The following ANO10 variants were observed in gnomAD, a reference collection of about 807,000 sequenced individuals.
ANO10 encodes anoctamin 10, also known as anoctamin-10.
A neutral mutation model predicts 74.7 loss-of-function variants in ANO10; 77 were observed. That is an observed-to-expected ratio of 1.03 (90% CI 0.86 to 1.25). ANO10 has a LOEUF of 1.25. Among genes scored for constraint, ANO10 ranks in the 50% most tolerant of loss-of-function variants. The pLI is 0.00. For missense variants in ANO10, 721 were observed against 778.1 expected, an observed-to-expected ratio of 0.93 and a Z score of 0.87; for synonymous variants, 279 against 284.9, an observed-to-expected ratio of 0.98 and a Z score of 0.21.
At chr3:43,572,877 T>C (rs1434648344) in intron 7 of ANO10, among the ~76,000 whole-genome samples, 2 of 152,118 alleles carry the variant, frequency 1.3e-5, no homozygotes, top group African/African-American at 4.8e-5. Flanking sequence ...GGTGCTAAGT[T>C]AGAGCAGAAG....
chr3:43,497,849 G>T (rs996257107), intron 11 of ANO10, among the ~76,000 whole-genome samples: 6 of 152,048 alleles, frequency 3.9e-5, no homozygotes, highest in Non-Finnish European at 7.4e-5. Flanking sequence ...CAATATTTTT[G>T]ATACTGTTTT....
intron 3 of ANO10, among the ~76,000 whole-genome samples, chr3:43,599,889 G>C (rs527968590): frequency 8.4e-4 from 126 of 150,878 alleles, no homozygotes; most frequent in African/African-American, 2.9e-3. Context: ...CTGGGCGACA[G>C]AGCGAGACTC....
intron 1 of ANO10, among the ~76,000 whole-genome samples, chr3:43,684,632 G>A (rs143588144): frequency 0.022 from 3,380 of 152,180 alleles, 61 homozygotes; most frequent in South Asian, 0.092. Flanking sequence ...ACATGCACAC[G>A]TATGTTTATT....
chr3:43,369,128 T>C (rs2091515404), intron 12 of ANO10, among the ~76,000 whole-genome samples: 2 of 152,246 alleles, frequency 1.3e-5, no homozygotes, highest in South Asian at 4.1e-4. Flanking sequence ...TTCCTGGGGC[T>C]GCTTCTGGGG....
chr3:43,628,747 C>T (rs1388882497), intron 1 of ANO10, among the ~76,000 whole-genome samples: 2 of 152,130 alleles, frequency 1.3e-5, no homozygotes, highest in Non-Finnish European at 2.9e-5. Flanking sequence ...ATGGTCAAGG[C>T]TGTAGGGGTG....
At chr3:43,499,761 T>G (rs566332296) in intron 11 of ANO10, among the ~76,000 whole-genome samples, 5 of 152,204 alleles carry the variant, frequency 3.3e-5, no homozygotes, top group Non-Finnish European at 5.9e-5. Context: ...GATAGATTTT[T>G]TTTTAATAAT....
At chr3:43,469,759 A>G (rs1303131336) in intron 11 of ANO10, among the ~76,000 whole-genome samples, 3 of 152,226 alleles carry the variant, frequency 2.0e-5, no homozygotes, top group Non-Finnish European at 2.9e-5. Flanking sequence ...AGAGTCTTTA[A>G]AAGTTTTTGT....
chr3:43,432,944 C>CTTTGTTTTTTTTTTTTTT (rs2093008548), intron 11 of ANO10, among the ~76,000 whole-genome samples: 1 of 55,276 alleles, frequency 1.8e-5, no homozygotes, highest in Non-Finnish European at 3.3e-5. Context: ...TTGCTTAATT[C>CTTTGTTTTTTTTTTTTTT]TTTTTTTTTT....
chr3:43,547,295 A>G (rs2079239382), intron 11 of ANO10, among the ~76,000 whole-genome samples: 1 of 152,232 alleles, frequency 6.6e-6, no homozygotes, highest in South Asian at 2.1e-4. Context: ...TTGGCTAACA[A>G]AAGTTATTAC....
chr3:43,585,714 T>C (rs968060281), intron 4 of ANO10, among the ~76,000 whole-genome samples: 2 of 152,222 alleles, frequency 1.3e-5, no homozygotes, highest in African/African-American at 4.8e-5. Flanking sequence ...CAATCAGGAC[T>C]GTGCCCCAGT....
chr3:43,572,415 T>C (rs1374570076), intron 7 of ANO10, among the ~76,000 whole-genome samples: 1 of 152,148 alleles, frequency 6.6e-6, no homozygotes, highest in Non-Finnish European at 1.5e-5. Flanking sequence ...TGGGTGGCAC[T>C]GGCAAGGGGG....
chr3:43,564,793 T>G (rs1252346828), intron 8 of ANO10, among the ~76,000 whole-genome samples: 4 of 152,168 alleles, frequency 2.6e-5, no homozygotes, highest in Admixed American at 1.3e-4. Flanking sequence ...TTTTCTCAGA[T>G]AGATATGAAT....
intron 11 of ANO10, 52 bp downstream of exon 11, chr3:43,549,668 T>C (rs1393276775): frequency 1.2e-6 from 2 of 1,603,738 alleles, no homozygotes; most frequent in South Asian, 1.1e-5. Flanking sequence ...TGCTTTGGAA[T>C]AGAGAAACGT....
chr3:43,465,268 T>C (rs2149037842), intron 11 of ANO10, among the ~76,000 whole-genome samples: 1 of 152,312 alleles, frequency 6.6e-6, no homozygotes, highest in South Asian at 2.1e-4. Context: ...GATTTTGTCA[T>C]AGTGTAAACA....
At chr3:43,554,580 T>A (rs1049520084) in intron 10 of ANO10, among the ~76,000 whole-genome samples, 3 of 152,174 alleles carry the variant, frequency 2.0e-5, no homozygotes, top group African/African-American at 7.2e-5. Context: ...TTAGTTGATT[T>A]CTCTGACACC....
Position 43,377,499 on chromosome 3 carries a change from C to T in ANO10, c.1915-10525G>A, listed in dbSNP as rs116355435. On this transcript the variant is annotated intron_variant, in intron 12 of 12. Coordinates refer to ENST00000292246, the MANE Select transcript of ANO10 (RefSeq NM_018075.5). ...TGGAAGCCCTTGGAGCCAAGGAGGG[C>T]GGCAGCATTGTTCTTTCACAAGCCA... is the stretch of plus-strand genomic sequence containing the variant. 2.0e-3 allele frequency among the ~76,000 whole-genome samples: 311 copies of T among 152,270 alleles called. 1 individual carries two copies. The highest frequency in any genetic ancestry group is 7.1e-3 in the African/African-American group (296 of 41,562).
chr3:43,656,705 G>A (rs1012054121), intron 1 of ANO10, among the ~76,000 whole-genome samples: 3 of 152,210 alleles, frequency 2.0e-5, no homozygotes, highest in Non-Finnish European at 2.9e-5. Context: ...CAGCAGGGCC[G>A]GCCGGCTGCT....
intron 12 of ANO10, among the ~76,000 whole-genome samples, chr3:43,379,858 G>A (rs1179094621): frequency 6.6e-6 from 1 of 152,138 alleles, no homozygotes; most frequent in Non-Finnish European, 1.5e-5. Context: ...GCCAGAAAAA[G>A]AATTCAGAAG....
At chr3:43,632,917 T>C (rs1018283727) in intron 1 of ANO10, among the ~76,000 whole-genome samples, 1 of 152,188 alleles carries the variant, frequency 6.6e-6, no homozygotes, top group Non-Finnish European at 1.5e-5. Flanking sequence ...TGGTGGTAAA[T>C]AGAATTAATA....
Sources: allele counts gnomAD v4.1 joint callset (sites outside exome capture counted in the v4.1 genomes callset), GRCh38; gene constraint gnomAD v4.1.1; transcripts MANE v1.5; gene names NCBI Gene and HGNC (gene_info 2026-07-23, HGNC 2026-07-21).